ZFYVE9: variants seen among roughly 807,000 people sequenced by gnomAD.
The protein encoded by ZFYVE9 is zinc finger FYVE-type containing 9, also known as zinc finger FYVE domain-containing protein 9.
A neutral mutation model predicts 126.7 loss-of-function variants in ZFYVE9; 43 were observed. The ratio of observed to expected loss-of-function variants is 0.34; its 90% CI spans 0.27 to 0.44. The LOEUF (loss-of-function observed/expected upper bound fraction) is 0.44, where lower values mean the gene tolerates loss of function less well. Among genes scored for constraint, ZFYVE9 ranks in the 20% least tolerant of loss-of-function variants. ZFYVE9 has a pLI of 1.00. For missense variants in ZFYVE9, 1,476 were observed against 1,697.0 expected, an observed-to-expected ratio of 0.87 and a Z score of 2.29; for synonymous variants, 521 against 597.4, an observed-to-expected ratio of 0.87 and a Z score of 1.87.
chr1:52,278,537 A>G lies in ZFYVE9; in HGVS notation c.2792A>G (p.Gln931Arg). Reference sequence around the variant, plus strand: ...CCATCACAGATTTCAGTAATGCAGCAGTTGGAGGATGGTGGCCCTGACCCA... The same window carrying G: ...CCATCACAGATTTCAGTAATGCAGCGGTTGGAGGATGGTGGCCCTGACCCA... ...EKPSQISVMQ[Q>R]LEDGGPDPLV... Residue 931 changes from glutamine (Q) to arginine (R), a missense_variant, in exon 9 of 19, where the codon CAG (glutamine) becomes CGG (arginine). By Grantham distance (43) the Gln-to-Arg change is conservative. Around this residue, in one of 2 missense-constraint regions of ZFYVE9, gnomAD observed 669 missense variants for 902.4 expected, o/e 0.74. Coordinates refer to ENST00000287727, the MANE Select transcript of ZFYVE9 (RefSeq NM_004799.4). The G allele has an allele frequency of 6.2e-7, 1 of 1,613,926 alleles. No homozygotes were observed. Among genetic ancestry groups the G allele is most frequent in the Non-Finnish European group, 8.5e-7 (1 of 1,179,854 alleles).
chr1:52,278,675 C>A, intron 9 of ZFYVE9, 61 bp downstream of exon 9: 7 of 1,111,278 alleles, frequency 6.3e-6, no homozygotes, highest in South Asian at 1.7e-5. Context: ...GTACATAAAA[C>A]TTTCAGATTT....
In ZFYVE9 at chr1:52,238,959, A is replaced by T. The variant is rs925167885; in HGVS notation, c.1542A>T (p.Glu514Asp). The change falls in exon 4 of 19, where the codon GAA (glutamate) becomes GAT (aspartate). Residue 514 changes from glutamate to aspartate, a missense_variant. Around this residue, in one of 2 missense-constraint regions of ZFYVE9, gnomAD observed 807 missense variants for 794.6 expected, o/e 1.02. Coordinates refer to ENST00000287727, the MANE Select transcript of ZFYVE9 (RefSeq NM_004799.4). Reference protein sequence around the residue: ...EEKEIEESKSECYSNIYEQRG... With the variant: ...EEKEIEESKSDCYSNIYEQRG... ...AAGAAATAGAGGAAAGCAAGTCAGA[A>T]TGCTACTCAAATATTTATGAACAGA... 1.9e-6 allele frequency: 3 copies of T among 1,614,026 alleles called. No homozygotes were observed. Among genetic ancestry groups the T allele is most frequent in the Admixed American group, 3.3e-5 (2 of 59,988 alleles).
At chr1:52,218,968 G>A (rs983830775) in intron 2 of ZFYVE9, among the ~76,000 whole-genome samples, 66 of 152,256 alleles carry the variant, frequency 4.3e-4, no homozygotes, top group African/African-American at 1.6e-3. Context: ...GGGTTACACT[G>A]GTGGTTTTGG....
intron 11 of ZFYVE9, among the ~76,000 whole-genome samples, chr1:52,294,422 A>G (rs1281549720): frequency 6.6e-6 from 1 of 152,256 alleles, no homozygotes; most frequent in Non-Finnish European, 1.5e-5. Flanking sequence ...ACCATAAAAC[A>G]GTTTATGTTC....
At chr1:52,298,933 C>T (rs991991083) in intron 12 of ZFYVE9, among the ~76,000 whole-genome samples, 2 of 151,578 alleles carry the variant, frequency 1.3e-5, no homozygotes, top group Non-Finnish European at 2.9e-5. Flanking sequence ...CTCAGCCTGC[C>T]GAGTAGCTGG....
At position 52,320,749 on chromosome 1, in the gene ZFYVE9, G is replaced by A. The variant is rs117605737; in HGVS notation, c.3439-12019G>A. On this transcript the variant is annotated intron_variant, in intron 13 of 18. Coordinates refer to ENST00000287727, the MANE Select transcript of ZFYVE9 (RefSeq NM_004799.4). ...GGGTGAGGGAACCATATATTACAAA[G>A]GGGCTCAAGGAAATTTTGGGGGGTG... 9.3e-3 allele frequency among the ~76,000 whole-genome samples: 1,410 copies of A among 152,282 alleles called. 65 individuals carry two copies. In the East Asian group the frequency reaches 0.12, roughly 13 times the overall value.
chr1:52,340,813 A>G (rs1292397057), intron 17 of ZFYVE9, among the ~76,000 whole-genome samples: 1 of 150,622 alleles, frequency 6.6e-6, no homozygotes, highest in Non-Finnish European at 1.5e-5. Flanking sequence ...AGGCATGGGA[A>G]TCACTTGAAC....
chr1:52,263,059 A>C (rs1165541318), intron 4 of ZFYVE9, among the ~76,000 whole-genome samples: 2 of 149,512 alleles, frequency 1.3e-5, no homozygotes, highest in African/African-American at 5.0e-5. Flanking sequence ...AGCCTGGGCC[A>C]CAGAGTCAAA....
chr1:52,305,736 C>G (rs2753402), intron 13 of ZFYVE9, among the ~76,000 whole-genome samples: 13,475 of 152,126 alleles, frequency 0.089, 768 homozygotes, highest in African/African-American at 0.15. Context: ...TGTAGCTACC[C>G]GAGTTGTGGC....
At chr1:52,243,256 AAAAC>A (rs1645352977) in intron 4 of ZFYVE9, among the ~76,000 whole-genome samples, 2 of 152,340 alleles carry the variant, frequency 1.3e-5, no homozygotes, top group South Asian at 2.1e-4. Flanking sequence ...GCCAGTGACA[AAAAC>A]AAAACAAAAC....
rs1468288779 is a variant in ZFYVE9, at chr1:52,346,455, G to A, written c.*234G>A. On this transcript the variant is annotated 3_prime_UTR_variant, in exon 19 of 19. Coordinates refer to ENST00000287727, the MANE Select transcript of ZFYVE9 (RefSeq NM_004799.4). ...CACCAAGAAGATCTGGGCAGCTTCT[G>A]TTCCTGCACAACAGTTATGCTATCC... 2.2e-6 allele frequency: 1 copy of A among 457,300 alleles called. No homozygotes were observed. The highest frequency in any genetic ancestry group is 2.0e-5 in the African/African-American group (1 of 50,940). 28.3% of individuals were successfully genotyped at this position (457,300 alleles called of 1,614,324 possible). A position where few individuals can be genotyped will look rare whatever the true frequency, so the allele number is the denominator to read the frequency against.
intron 3 of ZFYVE9, among the ~76,000 whole-genome samples, 158 bp downstream of exon 3, chr1:52,233,434 A>G (rs796866274): frequency 2.6e-5 from 4 of 152,356 alleles, no homozygotes; most frequent in African/African-American, 9.6e-5. Context: ...ATTTTTTAGC[A>G]CTAAATGCCA....
At chr1:52,199,793 A>C (rs1372815654) in intron 1 of ZFYVE9, among the ~76,000 whole-genome samples, 2 of 152,200 alleles carry the variant, frequency 1.3e-5, no homozygotes, top group Admixed American at 1.3e-4. Context: ...TTGCATCCTC[A>C]CAACAATGAA....
intron 1 of ZFYVE9, among the ~76,000 whole-genome samples, chr1:52,214,522 G>A (rs1234161112): frequency 2.3e-4 from 35 of 152,156 alleles, no homozygotes; most frequent in Admixed American, 2.3e-3. Context: ...CAGCTACTTA[G>A]GGGAATGTAT....
At chr1:52,263,631 C>T (rs985399299) in intron 4 of ZFYVE9, 142 bp from the exon 5 acceptor site, 9 of 459,544 alleles carry the variant, frequency 2.0e-5, no homozygotes, top group Admixed American at 4.0e-5. Flanking sequence ...ACCCAACTTC[C>T]TGAACTACAT....
rs61752688 is a variant in ZFYVE9, at chr1:52,281,742, G to A, written c.2951G>A (p.Cys984Tyr). 788 of 1,614,046 alleles carry A rather than the reference G, an allele frequency of 4.9e-4. No individual in the cohort carries two copies. The highest frequency in any genetic ancestry group is 6.5e-4 in the Non-Finnish European group (765 of 1,180,044). ...GQSEIVILLQ[C>Y]LPDEKCLPKD... ...TCTGAGATAGTCATTCTTCTACAGTGTTTACCGGATGAAAAGTGTTTGCCA... is the reference window on the plus strand; with the variant it reads ...TCTGAGATAGTCATTCTTCTACAGTATTTACCGGATGAAAAGTGTTTGCCA... The change falls in exon 10 of 19, where the codon TGT becomes TAT. Residue 984 changes from cysteine to tyrosine, a missense_variant. Cys to Tyr is a radical substitution (Grantham distance 194). This residue lies in a region of ZFYVE9 where 669 missense variants were observed against 902.4 expected (regional missense o/e 0.74). Coordinates refer to ENST00000287727, the MANE Select transcript of ZFYVE9 (RefSeq NM_004799.4).
chr1:52,324,882 T>C (rs773645069), intron 13 of ZFYVE9, among the ~76,000 whole-genome samples: 2 of 152,152 alleles, frequency 1.3e-5, no homozygotes, highest in Non-Finnish European at 2.9e-5. Context: ...CGCCTGTCGT[T>C]CCAGCACTTT....
intron 10 of ZFYVE9, among the ~76,000 whole-genome samples, chr1:52,291,445 C>G (rs1450619468): frequency 1.3e-5 from 2 of 152,192 alleles, no homozygotes; most frequent in African/African-American, 4.8e-5. Flanking sequence ...TGAACACATT[C>G]GTTGTTCCAT....
Position 52,238,557 on chromosome 1 carries a change from T to C in ZFYVE9, c.1140T>C (p.Thr380=). The C allele has an allele frequency of 6.2e-7, 1 of 1,614,054 alleles. No individual in the cohort carries two copies. The highest frequency in any genetic ancestry group is 8.5e-7 in the Non-Finnish European group (1 of 1,179,952). Residue 380 remains threonine (T), a synonymous_variant, in exon 4 of 19, where the codon ACT becomes ACC. Transcript: ENST00000287727. ...DENEGYEHEE[T]LGTTEFLNMT... ...ATGAAGGTTATGAACATGAAGAAAC[T>C]CTTGGCACTACAGAATTCCTTAATA...
Sources: gnomAD v4.1 joint callset for allele counts (sites outside exome capture counted in the v4.1 genomes callset) on GRCh38, gnomAD v4.1.1 for gene constraint, gnomAD v4.1.1 regional missense constraint, MANE v1.5 for transcripts, NCBI Gene and HGNC (gene_info 2026-07-23, HGNC 2026-07-21) for gene names.